SGK1: variants seen among roughly 807,000 people sequenced by gnomAD.
SGK1 encodes serum/glucocorticoid regulated kinase 1.
Under a neutral mutation model 64.2 loss-of-function variants are expected in SGK1, and 26 were observed. That is an observed-to-expected ratio of 0.40 (90% CI 0.30 to 0.56). SGK1 has a LOEUF of 0.56. Ranked by LOEUF, SGK1 falls within the 20% of genes least tolerant of loss-of-function variation. The probability of loss-of-function intolerance (pLI) is 0.38; values close to 1 mark genes in which losing one functional copy is unlikely to be tolerated. For missense variants in SGK1, 519 were observed against 645.6 expected, an observed-to-expected ratio of 0.80 and a Z score of 2.12; for synonymous variants, 265 against 239.7, an observed-to-expected ratio of 1.11 and a Z score of -0.98.
In SGK1 at chr6:134,243,432, C is replaced by T. The variant is rs185479615; in HGVS notation, c.285+18501G>A. ...TTGCCCAGGCTGGAGTGCAATGGCA[C>T]GATCTCGGTTCACTGCAACCTCCGC... is the stretch of plus-strand genomic sequence containing the variant. On this transcript the variant is annotated intron_variant, in intron 2 of 13. Coordinates refer to ENST00000367858, the MANE Select transcript of SGK1 (RefSeq NM_001143676.3). 1.0e-3 allele frequency among the ~76,000 whole-genome samples: 156 copies of T among 152,136 alleles called. 1 individual carries two copies. Among genetic ancestry groups the T allele is most frequent in the East Asian group, 9.8e-3 (51 of 5,178 alleles).
intron 1 of SGK1, among the ~76,000 whole-genome samples, chr6:134,315,647 C>A (rs1777671244): frequency 6.6e-6 from 1 of 152,166 alleles, no homozygotes; most frequent in African/African-American, 2.4e-5. Flanking sequence ...AGAATATCCC[C>A]AATACCATGA....
At chr6:134,180,000 C>G (rs1775307595) in intron 3 of SGK1, among the ~76,000 whole-genome samples, 1 of 152,172 alleles carries the variant, frequency 6.6e-6, no homozygotes, top group South Asian at 2.1e-4. Context: ...GTTGTCCAGG[C>G]TAGAGTACAG....
At chr6:134,182,985 AT>A (rs1430922223) in intron 3 of SGK1, among the ~76,000 whole-genome samples, 3 of 152,248 alleles carry the variant, frequency 2.0e-5, no homozygotes, top group Non-Finnish European at 4.4e-5. Context: ...GAAGGCAAAT[AT>A]AGACCTATTG....
intron 1 of SGK1, among the ~76,000 whole-genome samples, chr6:134,286,421 A>G (rs1056962624): frequency 6.6e-6 from 1 of 151,696 alleles, no homozygotes; most frequent in African/African-American, 2.4e-5. Flanking sequence ...TTGCCACTGC[A>G]CTCCAGCGTG....
chr6:134,171,347 C>CGTGTGTGTGTTTGTGTGTGTGTGTGTGT, intron 11 of SGK1, 169 bp from the exon 12 acceptor site: 2 of 682,252 alleles, frequency 2.9e-6, no homozygotes, highest in Non-Finnish European at 5.0e-6. Flanking sequence ...CTTTGCAACC[C>CGTGTGTGTGTTTGTGTGTGTGTGTGTGT]GTGTGTGTGT....
At chr6:134,242,175 G>A (rs1316807929) in intron 2 of SGK1, among the ~76,000 whole-genome samples, 1 of 152,004 alleles carries the variant, frequency 6.6e-6, no homozygotes, top group Non-Finnish European at 1.5e-5. Flanking sequence ...AAGAAAGGGA[G>A]CAACTAGGAA....
intron 2 of SGK1, among the ~76,000 whole-genome samples, chr6:134,234,873 T>C (rs930282128): frequency 6.6e-6 from 1 of 152,176 alleles, no homozygotes; most frequent in Non-Finnish European, 1.5e-5. Context: ...TGAAACTCCA[T>C]CTTATAAATA....
intron 3 of SGK1, among the ~76,000 whole-genome samples, chr6:134,187,263 T>TA (rs1775440104): frequency 6.6e-6 from 1 of 152,222 alleles, no homozygotes. Context: ...GTGGTAGTCT[T>TA]AACTTCCAGT....
chr6:134,186,710 C>T (rs983648706), intron 3 of SGK1, among the ~76,000 whole-genome samples: 5 of 152,104 alleles, frequency 3.3e-5, no homozygotes, highest in African/African-American at 1.2e-4. Context: ...CAGACTTACT[C>T]AGATTGAGTT....
chr6:134,298,218 C>T, intron 1 of SGK1: 1 of 1,565,666 alleles, frequency 6.4e-7, no homozygotes, highest in Non-Finnish European at 8.7e-7. Flanking sequence ...CTGCCTCCAG[C>T]TTCAGCTTCT....
intron 3 of SGK1, chr6:134,175,749 G>T: frequency 7.4e-7 from 1 of 1,353,700 alleles, no homozygotes; most frequent in South Asian, 1.7e-5. Context: ...CTCAGGCCGG[G>T]CAAGATTTCC....
intron 1 of SGK1, among the ~76,000 whole-genome samples, chr6:134,311,844 G>A (rs946568755): frequency 6.6e-5 from 10 of 152,220 alleles, no homozygotes; most frequent in Middle Eastern, 3.4e-3. Context: ...GCCGTGTTCC[G>A]GGAAGCATGA....
intron 3 of SGK1, among the ~76,000 whole-genome samples, chr6:134,191,187 T>C (rs1230586796): frequency 6.6e-6 from 1 of 152,212 alleles, no homozygotes; most frequent in Non-Finnish European, 1.5e-5. Flanking sequence ...CTCTTTGTTT[T>C]AAAGTTCAAA....
intron 2 of SGK1, among the ~76,000 whole-genome samples, chr6:134,241,571 G>A (rs886237412): frequency 2.0e-5 from 3 of 152,002 alleles, no homozygotes; most frequent in Admixed American, 6.6e-5. Flanking sequence ...CAGGCTCTAC[G>A]AAGTCTGTCT....
intron 1 of SGK1, among the ~76,000 whole-genome samples, chr6:134,265,723 G>A (rs956349597): frequency 6.7e-6 from 1 of 148,686 alleles, no homozygotes; most frequent in Admixed American, 6.8e-5. Flanking sequence ...AGTATCATGG[G>A]TGTTTTATCT....
At chr6:134,284,486 T>G (rs1373334912) in intron 1 of SGK1, among the ~76,000 whole-genome samples, 1 of 123,680 alleles carries the variant, frequency 8.1e-6, no homozygotes, top group Non-Finnish European at 1.7e-5. Flanking sequence ...TTTCTTTCTT[T>G]CTTTCTTTTT....
intron 2 of SGK1, among the ~76,000 whole-genome samples, chr6:134,242,178 A>G (rs951825788): frequency 6.6e-6 from 1 of 152,054 alleles, no homozygotes; most frequent in African/African-American, 2.4e-5. Flanking sequence ...AAAGGGAGCA[A>G]CTAGGAATTT....
chr6:134,249,824 G>T (rs748039957), intron 2 of SGK1, among the ~76,000 whole-genome samples: 6 of 152,162 alleles, frequency 3.9e-5, no homozygotes, highest in Non-Finnish European at 8.8e-5. Flanking sequence ...AGATTTGCTT[G>T]TTTTAAAAAT....
At chr6:134,314,867 G>T (rs969968681) in intron 1 of SGK1, among the ~76,000 whole-genome samples, 2 of 147,930 alleles carry the variant, frequency 1.4e-5, no homozygotes, top group Admixed American at 1.4e-4. Context: ...TTGTAAGACT[G>T]TCTAGCTAGG....
Sources: allele counts gnomAD v4.1 joint callset (sites outside exome capture counted in the v4.1 genomes callset), GRCh38; gene constraint gnomAD v4.1.1; transcripts MANE v1.5; gene names NCBI Gene and HGNC (gene_info 2026-07-23, HGNC 2026-07-21).